Variants in PARD3 observed in about 807,000 individuals in gnomAD.
The protein encoded by PARD3 is partitioning defective 3 homolog.
Under a neutral mutation model 155.4 loss-of-function variants are expected in PARD3, and 75 were observed. The observed-to-expected ratio is 0.48, with a 90% CI of 0.40 to 0.58. The LOEUF (loss-of-function observed/expected upper bound fraction) is 0.58, where lower values mean the gene tolerates loss of function less well. Among genes scored for constraint, PARD3 ranks in the 20% least tolerant of loss-of-function variants. The pLI, the probability that PARD3 is intolerant of heterozygous loss-of-function variation, is 0.00. For synonymous variants in PARD3, 576 were observed against 610.5 expected (o/e 0.94, Z 0.83); for missense variants, 1,642 against 1,721.7 (o/e 0.95, Z 0.82).
At chr10:34,673,572 T>G (rs2093645675) in intron 2 of PARD3, among the ~76,000 whole-genome samples, 2 of 152,176 alleles carry the variant, frequency 1.3e-5, no homozygotes, top group South Asian at 2.1e-4. Flanking sequence ...CACAAACTTA[T>G]CAAGAACACA....
chr10:34,287,032 G>C (rs964318732), intron 20 of PARD3, among the ~76,000 whole-genome samples: 1 of 152,112 alleles, frequency 6.6e-6, no homozygotes, highest in African/African-American at 2.4e-5. Context: ...TACAGGGCCA[G>C]GGAAGGAAAA....
intron 2 of PARD3, among the ~76,000 whole-genome samples, chr10:34,666,816 T>TATATGTATATATATATAC (rs765552982): frequency 1.1e-5 from 1 of 88,768 alleles, no homozygotes; most frequent in African/African-American, 4.7e-5. Context: ...TATATATATA[T>TATATGTATATATATATAC]ACACACACAC....
chr10:34,493,776 C>G (rs1318598147), intron 3 of PARD3, among the ~76,000 whole-genome samples: 1 of 151,740 alleles, frequency 6.6e-6, no homozygotes, highest in Non-Finnish European at 1.5e-5. Context: ...AGTACATAAA[C>G]TTCCAACTAA....
chr10:34,693,711 C>CT (rs1243152861), intron 2 of PARD3, among the ~76,000 whole-genome samples: 1 of 152,028 alleles, frequency 6.6e-6, no homozygotes, highest in Non-Finnish European at 1.5e-5. Context: ...TAGAATAAAA[C>CT]TTTTTTAAAA....
At chr10:34,557,059 G>A (rs750035305) in intron 2 of PARD3, among the ~76,000 whole-genome samples, 17 of 152,124 alleles carry the variant, frequency 1.1e-4, no homozygotes, top group Non-Finnish European at 2.1e-4. Context: ...AATGTTCAAT[G>A]GACCCAGGGG....
chr10:34,549,739 A>T (rs1255434913), intron 2 of PARD3, among the ~76,000 whole-genome samples: 1 of 152,108 alleles, frequency 6.6e-6, no homozygotes, highest in Non-Finnish European at 1.5e-5. Flanking sequence ...AACAGGAATA[A>T]ATTTCATTGA....
At position 34,687,846 on chromosome 10, in the gene PARD3, C is replaced by CTTTTTTTTTTT. The variant is rs397846339; in HGVS notation, c.222+8461_222+8471dup. ...ATGCCCGGTCAGTTACACCTGAAAT[C>CTTTTTTTTTTT]TTTTTTTTTTTTTTTTTTTTTTTTT... On this transcript the variant is annotated intron_variant, in intron 2 of 24. Transcript: ENST00000374788. Among the ~76,000 whole-genome samples the CTTTTTTTTTTT allele has an allele frequency of 6.0e-3, 382 of 63,716 alleles. 81 individuals are homozygous for CTTTTTTTTTTT. Among genetic ancestry groups the CTTTTTTTTTTT allele is most frequent in the African/African-American group, 0.017 (228 of 13,812 alleles). The allele number at this position is 63,716 out of a possible 152,430, so 41.8% of individuals were successfully genotyped here.
intron 2 of PARD3, among the ~76,000 whole-genome samples, chr10:34,560,749 C>G (rs1240896234): frequency 6.6e-6 from 1 of 152,190 alleles, no homozygotes; most frequent in Non-Finnish European, 1.5e-5. Context: ...GGCGTGTCCA[C>G]TGCGTTCATT....
At chr10:34,693,056 T>C (rs1218515245) in intron 2 of PARD3, among the ~76,000 whole-genome samples, 2 of 152,092 alleles carry the variant, frequency 1.3e-5, no homozygotes, top group Admixed American at 6.6e-5. Flanking sequence ...TACATCCGTG[T>C]CGCGTGAGAA....
chr10:34,352,894 A>G (rs1838293354), intron 14 of PARD3, among the ~76,000 whole-genome samples: 1 of 150,892 alleles, frequency 6.6e-6, no homozygotes, highest in Admixed American at 6.6e-5. Flanking sequence ...CCATCTAGGA[A>G]GTGAGGAGCG....
At chr10:34,608,675 C>T (rs1185753292) in intron 2 of PARD3, among the ~76,000 whole-genome samples, 1 of 151,612 alleles carries the variant, frequency 6.6e-6, no homozygotes, top group East Asian at 1.9e-4. Flanking sequence ...GCTGGGATTA[C>T]AGGTGCCTGC....
In PARD3 at chr10:34,111,263, C is replaced by A. The variant is rs763651079; in HGVS notation, c.3968G>T (p.Gly1323Val). 25 of 1,613,494 alleles carry A rather than the reference C, an allele frequency of 1.5e-5. No homozygotes were observed. Among genetic ancestry groups the A allele is most frequent in the Non-Finnish European group, 2.1e-5 (25 of 1,179,496 alleles). Residue 1323 changes from glycine (G) to valine (V), a missense_variant, in exon 25 of 25, where the codon GGG becomes GTG. This residue lies in a region of PARD3 where 1,529 missense variants were observed against 1,587.3 expected (regional missense o/e 0.96). Coordinates refer to ENST00000374788, the MANE Select transcript of PARD3 (RefSeq NM_001184785.2). ...VQDPSYAPPK[G>V]PFRQDVPPSP... Reference sequence around the variant, plus strand: ...GGGGGGCACATCTTGCCGGAAGGGCCCCTTGGGAGGGGCGTAACTGGGGTC... The same window carrying A: ...GGGGGGCACATCTTGCCGGAAGGGCACCTTGGGAGGGGCGTAACTGGGGTC...
At chr10:34,520,646 T>C (rs2082088422) in intron 2 of PARD3, among the ~76,000 whole-genome samples, 1 of 152,174 alleles carries the variant, frequency 6.6e-6, no homozygotes, top group African/African-American at 2.4e-5. Flanking sequence ...ATAACTACTC[T>C]ACTCACTAAT....
chr10:34,624,404 C>T (rs907148836), intron 2 of PARD3, among the ~76,000 whole-genome samples: 2 of 152,356 alleles, frequency 1.3e-5, no homozygotes, highest in African/African-American at 4.8e-5. Context: ...TGACTAAGGG[C>T]AGTCTTTTCA....
At chr10:34,121,629 C>G (rs914551086) in intron 23 of PARD3, among the ~76,000 whole-genome samples, 1 of 152,182 alleles carries the variant, frequency 6.6e-6, no homozygotes, top group Middle Eastern at 3.2e-3. Context: ...CAAGCATCAT[C>G]TATTGTTCTC....
At chr10:34,325,325 C>G (rs1000685590) in intron 19 of PARD3, among the ~76,000 whole-genome samples, 4 of 152,082 alleles carry the variant, frequency 2.6e-5, no homozygotes, top group African/African-American at 9.7e-5. Flanking sequence ...ACTATGCTCT[C>G]ACCTGCCCCA....
At chr10:34,285,082 G>A (rs1956322856) in intron 20 of PARD3, among the ~76,000 whole-genome samples, 1 of 151,998 alleles carries the variant, frequency 6.6e-6, no homozygotes, top group African/African-American at 2.4e-5. Context: ...AGACCATATT[G>A]CCTGGAATGC....
chr10:34,184,252 T>C (rs1950390281), intron 22 of PARD3, among the ~76,000 whole-genome samples: 1 of 152,200 alleles, frequency 6.6e-6, no homozygotes, highest in African/African-American at 2.4e-5. Context: ...GTTGATAGCC[T>C]TCACCTATGG....
rs75260835 is a variant in PARD3 at position 34,676,317 on chromosome 10, G to A, written c.222+20001C>T. Among the ~76,000 whole-genome samples, 266 of 152,244 alleles carry A rather than the reference G, an allele frequency of 1.7e-3. 1 individual carries two copies. The highest frequency in any genetic ancestry group is 5.4e-3 in the African/African-American group (225 of 41,542). Reference sequence around the variant, plus strand: ...AATGTCACATCCTGGCTCCTAGCAGGGAAACAAAACGCTCTGAAGAGAGGA... The same window carrying A: ...AATGTCACATCCTGGCTCCTAGCAGAGAAACAAAACGCTCTGAAGAGAGGA... On this transcript the variant is annotated intron_variant, in intron 2 of 24. Coordinates refer to ENST00000374788, the MANE Select transcript of PARD3 (RefSeq NM_001184785.2).
Sources: gnomAD v4.1 joint callset for allele counts (sites outside exome capture counted in the v4.1 genomes callset) on GRCh38, gnomAD v4.1.1 for gene constraint, gnomAD v4.1.1 regional missense constraint, MANE v1.5 for transcripts, NCBI Gene and HGNC (gene_info 2026-07-23, HGNC 2026-07-21) for gene names.